ABAT: variants seen among roughly 807,000 people sequenced by gnomAD.
ABAT encodes 4-aminobutyrate aminotransferase, also known as 4-aminobutyrate aminotransferase, mitochondrial.
Under a neutral mutation model 64.6 loss-of-function variants are expected in ABAT, and 45 were observed. That is an observed-to-expected ratio of 0.70 (90% CI 0.55 to 0.89). ABAT has a LOEUF of 0.89. ABAT is among the 40% of genes least tolerant of loss of function. The pLI, the probability that ABAT is intolerant of heterozygous loss-of-function variation, is 0.00. For synonymous variants in ABAT, 297 were observed against 250.5 expected (o/e 1.19, Z -1.75); for missense variants, 633 against 658.4 (o/e 0.96, Z 0.42).
At chr16:8,689,544 A>C (rs2057533451) in intron 1 of ABAT, among the ~76,000 whole-genome samples, 1 of 152,244 alleles carries the variant, frequency 6.6e-6, no homozygotes, top group African/African-American at 2.4e-5. Context: ...TCTACCTTAA[A>C]GTGTATAGTC....
chr16:8,711,007 G>C (rs565028936), intron 1 of ABAT, among the ~76,000 whole-genome samples: 1 of 152,318 alleles, frequency 6.6e-6, no homozygotes, highest in Non-Finnish European at 1.5e-5. Flanking sequence ...TCTGCATGAT[G>C]GATATACCCA....
chr16:8,764,207 A>C lies in ABAT; in HGVS notation c.447+58A>C. ...AGACGTGGTACTGGCAGGGGAAGGG[A>C]AAAGTGGAGACGCCAACAATGAAGA... On this transcript the variant is annotated intron_variant, in intron 7 of 15. Coordinates refer to ENST00000268251, the MANE Select transcript of ABAT (RefSeq NM_020686.6). The surrounding 1 kb of genome is among the most constrained non-coding windows in gnomAD (Gnocchi z 4.2). 8 of 1,394,154 alleles carry C rather than the reference A, an allele frequency of 5.7e-6. No homozygotes were observed. The highest frequency in any genetic ancestry group is 8.1e-6 in the Non-Finnish European group (8 of 983,084). 86.4% of individuals were successfully genotyped at this position (1,394,154 alleles called of 1,614,324 possible). A position where few individuals can be genotyped will look rare whatever the true frequency, so the allele number is the denominator to read the frequency against.
At chr16:8,770,737 G>A (rs1277820181) in intron 11 of ABAT, among the ~76,000 whole-genome samples, 2 of 152,180 alleles carry the variant, frequency 1.3e-5, no homozygotes, top group Admixed American at 6.5e-5. Flanking sequence ...CACCGTGCGT[G>A]GCCAGGAGTC....
In ABAT at chr16:8,750,343, A is replaced by C. The variant is rs572818028; in HGVS notation, c.199-79A>C. The C allele has an allele frequency of 3.3e-6, 4 of 1,198,968 alleles. No homozygotes were observed. The East Asian group carries it at 9.3e-5, about 28-fold the overall frequency. The allele number at this position is 1,198,968 out of a possible 1,614,324, so 74.3% of individuals were successfully genotyped here. ...AGATAGTCACGATATGGTGTACTTC[A>C]CTGATTCAAGCTTAATCCTAAAAGC... On this transcript the variant is annotated intron_variant, in intron 4 of 15. Transcript: ENST00000268251.
chr16:8,760,761 A>G (rs973253234), intron 6 of ABAT, among the ~76,000 whole-genome samples: 1 of 152,236 alleles, frequency 6.6e-6, no homozygotes, highest in Non-Finnish European at 1.5e-5. Context: ...AAGCGTCCTC[A>G]ACAACACACG....
intron 11 of ABAT, among the ~76,000 whole-genome samples, chr16:8,769,575 A>G (rs9941032): frequency 0.018 from 2,651 of 149,948 alleles, 86 homozygotes; most frequent in African/African-American, 0.061. Flanking sequence ...AAAAAAAAAA[A>G]AAAAGAGAGA....
At chr16:8,720,779 C>A (rs1026000640) in intron 1 of ABAT, 2 of 152,300 alleles carry the variant, frequency 1.3e-5, no homozygotes, top group African/African-American at 4.8e-5. Context: ...AAGGAATGTC[C>A]TCAGCGTCTG....
rs185745559 is a variant in ABAT, at chr16:8,770,299, G to T, written c.816+1326G>T. ...ACTACAGGCGCTTGACACCACACCC[G>T]GCTAATTTTTTGTATTTTTAATAGA... On this transcript the variant is annotated intron_variant, in intron 11 of 15. Transcript: ENST00000268251. Among the ~76,000 whole-genome samples the T allele has an allele frequency of 3.9e-5, 6 of 152,150 alleles. No homozygotes were observed. The East Asian group carries it at 1.2e-3, about 29-fold the overall frequency.
chr16:8,773,995 C>G (rs1277059480), intron 12 of ABAT, among the ~76,000 whole-genome samples: 2 of 152,156 alleles, frequency 1.3e-5, no homozygotes, highest in African/African-American at 4.8e-5. Context: ...GTGGCACGAT[C>G]TTGGCTCACT....
chr16:8,710,396 T>G (rs940230792), intron 1 of ABAT, among the ~76,000 whole-genome samples: 7 of 152,124 alleles, frequency 4.6e-5, no homozygotes, highest in Non-Finnish European at 8.8e-5. Flanking sequence ...TACCTCCATG[T>G]TGACATTTGA....
At chr16:8,765,045 A>G (rs959983581) in intron 8 of ABAT, among the ~76,000 whole-genome samples, 6 of 152,050 alleles carry the variant, frequency 3.9e-5, no homozygotes, top group African/African-American at 1.4e-4. Context: ...AAACTATGCA[A>G]TGGGGGCTGG....
At chr16:8,731,196 C>G (rs2058709542) in intron 1 of ABAT, among the ~76,000 whole-genome samples, 1 of 152,170 alleles carries the variant, frequency 6.6e-6, no homozygotes, top group South Asian at 2.1e-4. Context: ...CTCCTGACCT[C>G]AAGTGATCCA....
Position 8,757,781 on chromosome 16 carries a change from A to C in ABAT, c.341A>C (p.Lys114Thr), listed in dbSNP as rs1441401703. The C allele has an allele frequency of 6.2e-7, 1 of 1,613,980 alleles. No individual in the cohort carries two copies. Among genetic ancestry groups the C allele is most frequent in the African/African-American group, 1.3e-5 (1 of 74,918 alleles). Residue 114 changes from lysine to threonine, a missense_variant, in exon 6 of 16, where the codon AAA (lysine) becomes ACA (threonine). By Grantham distance (78) the Lys-to-Thr change is moderately conservative. Coordinates refer to ENST00000268251, the MANE Select transcript of ABAT (RefSeq NM_020686.6). ...PIGYSHPALL[K>T]LIQQPQNASM... ...GGTTACAGCCACCCCGCCCTGCTGA[A>C]ACTCATCCAACAGCCTCAAAATGCG...
chr16:8,777,982 T>A (rs1300053064), intron 14 of ABAT, among the ~76,000 whole-genome samples: 2 of 152,088 alleles, frequency 1.3e-5, no homozygotes, highest in Non-Finnish European at 2.9e-5. Flanking sequence ...CACATAAGTG[T>A]CTAACACGGT....
chr16:8,690,882 A>T (rs1434625282), intron 1 of ABAT, among the ~76,000 whole-genome samples: 1 of 152,174 alleles, frequency 6.6e-6, no homozygotes. Context: ...GTTTTCATGA[A>T]TGTAGGTGGC....
At chr16:8,682,880 T>C (rs1223776546) in intron 1 of ABAT, among the ~76,000 whole-genome samples, 1 of 152,178 alleles carries the variant, frequency 6.6e-6, no homozygotes, top group African/African-American at 2.4e-5. Context: ...AATGTGAATC[T>C]GCGTTTTAAC....
At chr16:8,768,571 G>C (rs1217850937) in intron 10 of ABAT, among the ~76,000 whole-genome samples, 1 of 152,132 alleles carries the variant, frequency 6.6e-6, no homozygotes, top group East Asian at 1.9e-4. Context: ...AAGGGTTCGA[G>C]AGTCCCCCTT....
chr16:8,690,410 TCACTTGCCTAAGACCACA>T (rs1407712360), intron 1 of ABAT, among the ~76,000 whole-genome samples: 4 of 152,220 alleles, frequency 2.6e-5, no homozygotes, highest in Non-Finnish European at 5.9e-5. Context: ...AGAGCTTAAG[TCACTTGCCTAAGACCACA>T]CACCTTCCAA....
chr16:8,773,597 T>A (rs2060184133), intron 12 of ABAT, among the ~76,000 whole-genome samples: 1 of 152,270 alleles, frequency 6.6e-6, no homozygotes, highest in African/African-American at 2.4e-5. Flanking sequence ...TTTTGAACTA[T>A]GCAATAAATT....
Sources: gnomAD v4.1 joint callset for allele counts (sites outside exome capture counted in the v4.1 genomes callset) on GRCh38, gnomAD v4.1.1 for gene constraint, Gnocchi (gnomAD v3.1) non-coding constraint, MANE v1.5 for transcripts, NCBI Gene and HGNC (gene_info 2026-07-23, HGNC 2026-07-21) for gene names.